The following ZNF717 variants were observed in gnomAD, a reference collection of about 807,000 sequenced individuals.
The protein encoded by ZNF717 is zinc finger protein 717.
In ZNF717, 9 loss-of-function variants were observed where a neutral mutation model predicts 13.8. The observed-to-expected ratio is 0.65, with a 90% CI of 0.39 to 1.14. The LOEUF is 1.14. ZNF717 is among the 50% of genes most tolerant of loss of function. The probability of loss-of-function intolerance (pLI) is 0.01; values close to 1 mark genes in which losing one functional copy is unlikely to be tolerated. For synonymous variants in ZNF717, 327 were observed against 364.1 expected, an observed-to-expected ratio of 0.90 and a Z score of 1.16; for missense variants, 1,040 against 1,080.7, an observed-to-expected ratio of 0.96 and a Z score of 0.53.
intron 5 of ZNF717, among the ~76,000 whole-genome samples, chr3:75,714,456 T>C (rs145550692): frequency 1.3e-5 from 2 of 152,092 alleles, no homozygotes; most frequent in Non-Finnish European, 2.9e-5. Flanking sequence ...GTGAGGATTA[T>C]TATAATATTG....
chr3:75,754,739 T>C lies in ZNF717; in HGVS notation c.58-13003A>G, dbSNP rs189367190. ...AACTACAAAAGGTGAAACAGGGTAA[T>C]GAGAATACCAGGAGGAGAAGAAATA... is the stretch of plus-strand genomic sequence containing the variant. On this transcript the variant is annotated intron_variant, in intron 2 of 4. Coordinates refer to ENST00000652011, the MANE Select transcript of ZNF717 (RefSeq NM_001290208.3). 7.3e-5 allele frequency among the ~76,000 whole-genome samples: 11 copies of C among 151,630 alleles called. No individual in the cohort carries two copies. The East Asian group carries it at 2.1e-3, about 30-fold the overall frequency.
chr3:75,718,158 G>A (rs796312477), intron 4 of ZNF717, among the ~76,000 whole-genome samples: 5,460 of 152,206 alleles, frequency 0.036, 98 homozygotes, highest in South Asian at 0.063. Context: ...AGGGGACAAC[G>A]GAACTGAGGC....
chr3:75,738,534 C>T lies in ZNF717; in HGVS notation c.1089G>A (p.Gly363=). Residue 363 remains glycine, a synonymous_variant, in exon 5 of 5, where the codon GGG becomes GGA. Coordinates refer to ENST00000652011, the MANE Select transcript of ZNF717 (RefSeq NM_001290208.3). The stretch of plus-strand genomic sequence containing the variant: ...ATTCAATACATTTGTAGGGTTTATC[C>T]CCTGTGTGAGTTCTCTCATGTAAAG... The part of the protein sequence containing the change: ...FLTLHERTHT[G]DKPYKCIECG... The T allele has an allele frequency of 1.3e-6, 2 of 1,542,412 alleles. No individual in the cohort carries two copies. The highest frequency in any genetic ancestry group is 2.5e-5 in the East Asian group (1 of 40,612).
At chr3:75,724,118 C>T (rs76701882) in intron 4 of ZNF717, among the ~76,000 whole-genome samples, 1 of 152,078 alleles carries the variant, frequency 6.6e-6, no homozygotes, top group African/African-American at 2.4e-5. Context: ...GGCCTCCAAC[C>T]GGTAGACAGG....
At chr3:75,754,237 A>C (rs889192433) in intron 2 of ZNF717, among the ~76,000 whole-genome samples, 1 of 152,248 alleles carries the variant, frequency 6.6e-6, no homozygotes, top group Non-Finnish European at 1.5e-5. Flanking sequence ...AGAGAGCATC[A>C]CCTGCCCTGA....
At chr3:75,732,293 C>T (rs1458654026), downstream of ZNF717, among the ~76,000 whole-genome samples, 1 of 152,262 alleles carries the variant, frequency 6.6e-6, no homozygotes, top group African/African-American at 2.4e-5. Flanking sequence ...CTCCAGTCAT[C>T]CCTAAAGGGG....
At chr3:75,765,844 C>T (rs1336416707) in intron 2 of ZNF717, among the ~76,000 whole-genome samples, 1 of 152,220 alleles carries the variant, frequency 6.6e-6, no homozygotes, top group Non-Finnish European at 1.5e-5. Flanking sequence ...CATGGTGGCT[C>T]ATGCCTGTAA....
intron 2 of ZNF717, among the ~76,000 whole-genome samples, chr3:75,757,950 TAA>T (rs559373448): frequency 4.5e-5 from 6 of 133,820 alleles, no homozygotes; most frequent in Non-Finnish European, 6.4e-5. Context: ...CTGTCTCTAC[TAA>T]AAAAAAAAAA....
chr3:75,753,440 G>C (rs796124328), intron 2 of ZNF717, among the ~76,000 whole-genome samples: 1 of 108,216 alleles, frequency 9.2e-6, no homozygotes, highest in Non-Finnish European at 2.0e-5. Flanking sequence ...CTGCTACGAG[G>C]GTCTGAATGT....
chr3:75,756,202 T>C (rs959544414), intron 2 of ZNF717, among the ~76,000 whole-genome samples: 11 of 43,010 alleles, frequency 2.6e-4, no homozygotes, highest in Non-Finnish European at 7.2e-4. Flanking sequence ...ATTGTCATTG[T>C]TTTGGGAACC....
chr3:75,760,245 T>C (rs993729251), intron 2 of ZNF717, among the ~76,000 whole-genome samples: 1 of 147,274 alleles, frequency 6.8e-6, no homozygotes, highest in African/African-American at 2.4e-5. Context: ...GGTGTCACCA[T>C]GTTGGCCAGG....
chr3:75,762,559 C>A (rs566844744), intron 2 of ZNF717, among the ~76,000 whole-genome samples: 1 of 150,928 alleles, frequency 6.6e-6, no homozygotes, highest in Non-Finnish European at 1.5e-5. Context: ...TCGAAAGAAA[C>A]TAAACACAAA....
At chr3:75,771,540 A>T (rs1943868291) in intron 2 of ZNF717, among the ~76,000 whole-genome samples, 2 of 152,214 alleles carry the variant, frequency 1.3e-5, no homozygotes, top group South Asian at 4.1e-4. Context: ...CAGGGTTGCT[A>T]GGGCTTCTAA....
At chr3:75,772,334 C>T (rs58366361) in intron 2 of ZNF717, among the ~76,000 whole-genome samples, 11,778 of 133,414 alleles carry the variant, frequency 0.088, 560 homozygotes, top group African/African-American at 0.18. Context: ...CAACCAGCAG[C>T]GCTGAAAGAG....
chr3:75,766,535 A>C (rs192107843), intron 2 of ZNF717, among the ~76,000 whole-genome samples: 274 of 152,358 alleles, frequency 1.8e-3, no homozygotes, highest in African/African-American at 5.9e-3. Flanking sequence ...ACAAAACCTC[A>C]AAGTACGTGA....
Position 75,738,536 on chromosome 3 carries a change from C to T in ZNF717, c.1087G>A (p.Gly363Arg), listed in dbSNP as rs1575767376. 1 of 1,540,680 alleles carries T rather than the reference C, an allele frequency of 6.5e-7. No individual in the cohort carries two copies. The highest frequency in any genetic ancestry group is 1.7e-4 in the Middle Eastern group (1 of 5,950). ...FLTLHERTHT[G>R]DKPYKCIECG... ...TCAATACATTTGTAGGGTTTATCCC[C>T]TGTGTGAGTTCTCTCATGTAAAGTG... Residue 363 changes from glycine (G) to arginine (R), a missense_variant, in exon 5 of 5, where the codon GGG becomes AGG. Physicochemically the swap from Gly to Arg is moderately radical, Grantham distance 125. Transcript: ENST00000652011.
At chr3:75,765,165 C>T (rs28839880) in intron 2 of ZNF717, among the ~76,000 whole-genome samples, 6 of 151,310 alleles carry the variant, frequency 4.0e-5, no homozygotes, top group African/African-American at 1.5e-4. Context: ...TATATAACCC[C>T]AGGTATATAA....
intron 2 of ZNF717, among the ~76,000 whole-genome samples, chr3:75,769,055 T>C (rs1250594145): frequency 2.6e-5 from 4 of 151,944 alleles, no homozygotes; most frequent in Admixed American, 6.6e-5. Context: ...CAAGCTGTGG[T>C]TTATTAGACT....
At chr3:75,752,500 T>C (rs1009292777) in intron 2 of ZNF717, among the ~76,000 whole-genome samples, 4 of 148,864 alleles carry the variant, frequency 2.7e-5, no homozygotes, top group African/African-American at 9.9e-5. Flanking sequence ...GTCTGAATAT[T>C]TGTCCCTCAC....
Sources: allele counts gnomAD v4.1 joint callset (sites outside exome capture counted in the v4.1 genomes callset), GRCh38; gene constraint gnomAD v4.1.1; transcripts MANE v1.5; gene names NCBI Gene and HGNC (gene_info 2026-07-23, HGNC 2026-07-21).